The following NTM variants were observed in gnomAD, a reference collection of about 807,000 sequenced individuals.
NTM encodes the protein IgLON family member 2.
NTM carries 13 observed loss-of-function variants against 42.1 expected under a neutral mutation model. The ratio of observed to expected loss-of-function variants is 0.31; its 90% CI spans 0.20 to 0.49. NTM has a LOEUF of 0.49. NTM is among the 20% of genes least tolerant of loss of function. NTM has a pLI of 0.99. For synonymous variants in NTM, 187 were observed against 179.2 expected (o/e 1.04, Z -0.35); for missense variants, 373 against 452.8 (o/e 0.82, Z 1.60).
chr11:132,034,104 T>A (rs1380938200), intron 2 of NTM, among the ~76,000 whole-genome samples: 2 of 152,238 alleles, frequency 1.3e-5, no homozygotes. Context: ...CTTACTAGGA[T>A]TGTGCATTAA....
At chr11:131,870,824 C>A (rs941819243) in intron 1 of NTM, among the ~76,000 whole-genome samples, 1 of 152,114 alleles carries the variant, frequency 6.6e-6, no homozygotes, top group Admixed American at 6.6e-5. Context: ...TCAAAAAAAG[C>A]TTATCTTCGG....
intron 7 of NTM, among the ~76,000 whole-genome samples, chr11:132,318,699 C>T (rs558446582): frequency 2.4e-4 from 36 of 152,308 alleles, no homozygotes; most frequent in African/African-American, 7.0e-4. Context: ...AGTAGCCTTT[C>T]AGGAAGGCAG....
intron 1 of NTM, among the ~76,000 whole-genome samples, chr11:131,641,543 C>T (rs2065129364): frequency 6.6e-6 from 1 of 152,128 alleles, no homozygotes; most frequent in Non-Finnish European, 1.5e-5. Context: ...AGGTCATTCA[C>T]TGATACCTGT....
chr11:131,781,300 G>C (rs1252203479), intron 1 of NTM, among the ~76,000 whole-genome samples: 3 of 151,726 alleles, frequency 2.0e-5, no homozygotes, highest in Non-Finnish European at 4.4e-5. Flanking sequence ...AATGTAGAAA[G>C]CATAAAAGTT....
chr11:131,637,772 G>T lies in NTM; in HGVS notation c.82+266884G>T, dbSNP rs117244680. Among the ~76,000 whole-genome samples, 696 of 152,142 alleles carry T rather than the reference G, an allele frequency of 4.6e-3. 7 individuals are homozygous for T. The highest frequency in any genetic ancestry group is 6.1e-3 in the Non-Finnish European group (418 of 68,008). On this transcript the variant is annotated intron_variant, in intron 1 of 8. Transcript: ENST00000683400. ...TTGCATGAAATTTGATCTACTGAAA[G>T]CCAGGCTGGCTCATCAACCTGGTGG...
intron 4 of NTM, among the ~76,000 whole-genome samples, chr11:132,238,311 G>A (rs531710474): frequency 2.4e-4 from 36 of 152,234 alleles, no homozygotes; most frequent in Non-Finnish European, 2.6e-4. Flanking sequence ...ACCAAGGGAG[G>A]CAGGAGAAGG....
chr11:131,802,924 G>C (rs963841302), intron 1 of NTM, among the ~76,000 whole-genome samples: 5 of 152,244 alleles, frequency 3.3e-5, no homozygotes, highest in Non-Finnish European at 7.3e-5. Flanking sequence ...TTACTCAGGA[G>C]AGAGCCTGAT....
chr11:132,112,971 G>A (rs1200697066), intron 2 of NTM, among the ~76,000 whole-genome samples: 1 of 152,156 alleles, frequency 6.6e-6, no homozygotes, highest in Non-Finnish European at 1.5e-5. Context: ...CTGAATTCCT[G>A]CTGGGCCTAT....
Position 131,540,154 on chromosome 11 carries a change from G to GTTTTT in NTM, c.82+169290_82+169294dup, listed in dbSNP as rs57022166. On this transcript the variant is annotated intron_variant, in intron 1 of 8. Transcript: ENST00000683400. ...AACATAATTAAAGCTATTTAAGCTTGTTTTTTTTTTTTTTTTTTTTTTTTT... is the reference window on the plus strand; with the variant it reads ...AACATAATTAAAGCTATTTAAGCTTGTTTTTTTTTTTTTTTTTTTTTTTTTTTTTT... 1.3e-4 allele frequency among the ~76,000 whole-genome samples: 11 copies of GTTTTT among 86,698 alleles called. 1 individual carries two copies. The South Asian group carries it at 2.8e-3, about 22-fold the overall frequency. 56.9% of individuals were successfully genotyped at this position (86,698 alleles called of 152,430 possible).
chr11:132,069,250 C>G (rs2057015404), intron 2 of NTM, among the ~76,000 whole-genome samples: 1 of 150,188 alleles, frequency 6.7e-6, no homozygotes, highest in Non-Finnish European at 1.5e-5. Context: ...GTTAACACGT[C>G]ACACTGACCA....
intron 1 of NTM, among the ~76,000 whole-genome samples, chr11:131,910,325 A>C (rs974873254): frequency 6.6e-6 from 1 of 152,178 alleles, no homozygotes; most frequent in Non-Finnish European, 1.5e-5. Context: ...AAGATGTCTC[A>C]AGTCTGAGGC....
chr11:131,927,303 AT>A (rs2058071535), intron 2 of NTM, among the ~76,000 whole-genome samples: 1 of 152,162 alleles, frequency 6.6e-6, no homozygotes, highest in African/African-American at 2.4e-5. Flanking sequence ...TGCCTTTGTT[AT>A]TTAAAAAGTA....
At chr11:131,880,605 T>C (rs938126158) in intron 1 of NTM, among the ~76,000 whole-genome samples, 2 of 152,178 alleles carry the variant, frequency 1.3e-5, no homozygotes, top group African/African-American at 4.8e-5. Flanking sequence ...GATAAAGGCA[T>C]TGGAAAGAAT....
At chr11:132,094,405 C>G (rs184804258) in intron 2 of NTM, among the ~76,000 whole-genome samples, 4 of 152,144 alleles carry the variant, frequency 2.6e-5, no homozygotes, top group Non-Finnish European at 5.9e-5. Context: ...AGATACCCCT[C>G]AGGGAGCACT....
intron 2 of NTM, among the ~76,000 whole-genome samples, chr11:132,057,719 A>C (rs1557484): frequency 1.1e-4 from 17 of 152,216 alleles, no homozygotes; most frequent in Admixed American, 4.6e-4. Flanking sequence ...GACCCTAAAG[A>C]AACATCTTAG....
Position 131,654,369 on chromosome 11 carries a change from G to A in NTM, c.83-257195G>A, listed in dbSNP as rs375635476. On this transcript the variant is annotated intron_variant, in intron 1 of 8. Transcript: ENST00000683400. ...TGTGTGTCCCAGGGAAGCCTGGGAGGAGGTGAGGGGACCTCACGGCCACAA... is the reference window on the plus strand; with the variant it reads ...TGTGTGTCCCAGGGAAGCCTGGGAGAAGGTGAGGGGACCTCACGGCCACAA... Among the ~76,000 whole-genome samples, 125 of 152,296 alleles carry A rather than the reference G, an allele frequency of 8.2e-4. 1 individual carries two copies. Among genetic ancestry groups the A allele is most frequent in the African/African-American group, 2.8e-3 (118 of 41,578 alleles).
chr11:131,839,411 G>A (rs77415927), intron 1 of NTM, among the ~76,000 whole-genome samples: 3,333 of 152,262 alleles, frequency 0.022, 176 homozygotes, highest in East Asian at 0.17. Context: ...AATATGTGAA[G>A]GAGATGAGGA....
chr11:131,852,732 G>A (rs12223764), intron 1 of NTM, among the ~76,000 whole-genome samples: 7 of 152,024 alleles, frequency 4.6e-5, no homozygotes, highest in African/African-American at 7.2e-5. Flanking sequence ...CCCACCCACC[G>A]ATGGATTTAT....
In NTM at chr11:132,212,071, G is replaced by A; in HGVS notation, c.450G>A (p.Gly150=). 1 of 1,613,300 alleles carries A rather than the reference G, an allele frequency of 6.2e-7. No individual in the cohort carries two copies. The highest frequency in any genetic ancestry group is 8.5e-7 in the Non-Finnish European group (1 of 1,179,458). ...EISSDISINE[G]NNISLTCIAT... The stretch of plus-strand genomic sequence containing the variant: ...CTTCAGATATCTCCATTAATGAAGG[G>A]AACAATATTAGCCTCACCTGCATAG... Residue 150 remains glycine, a synonymous_variant, in exon 4 of 9, where the codon GGG becomes GGA. Transcript: ENST00000683400.
Sources: gnomAD v4.1 joint callset for allele counts (sites outside exome capture counted in the v4.1 genomes callset) on GRCh38, gnomAD v4.1.1 for gene constraint, MANE v1.5 for transcripts, NCBI Gene and HGNC (gene_info 2026-07-23, HGNC 2026-07-21) for gene names.